Variants in FANCL observed in about 807,000 individuals in gnomAD.
The protein encoded by FANCL is E3 ubiquitin-protein ligase FANCL.
In FANCL, 69 loss-of-function variants were observed where a neutral mutation model predicts 59.4. That is an observed-to-expected ratio of 1.16 (90% confidence interval 0.96 to 1.42). The LOEUF (loss-of-function observed/expected upper bound fraction) is 1.42. Ranked by LOEUF, FANCL falls within the 40% of genes most tolerant of loss-of-function variation. The pLI is 0.00. For synonymous variants in FANCL, 180 were observed against 147.1 expected (o/e 1.22, Z -1.62); for missense variants, 519 against 447.2 (o/e 1.16, Z -1.45).
At chr2:58,179,990 A>T (rs748805033) in intron 7 of FANCL, among the ~76,000 whole-genome samples, 1 of 152,252 alleles carries the variant, frequency 6.6e-6, no homozygotes, top group Non-Finnish European at 1.5e-5. Context: ...ATCACTGGTC[A>T]TTAGAAAAAT....
chr2:58,209,939 A>G (rs1027904283), intron 5 of FANCL, among the ~76,000 whole-genome samples: 2 of 152,146 alleles, frequency 1.3e-5, no homozygotes, highest in African/African-American at 4.8e-5. Flanking sequence ...ATATGTTGAC[A>G]ATCTCCCAGT....
At position 58,177,656 on chromosome 2, in the gene FANCL, A is replaced by G. The variant is rs542791630; in HGVS notation, c.541-11782T>C. Among the ~76,000 whole-genome samples, 480 of 149,160 alleles carry G rather than the reference A, an allele frequency of 3.2e-3. 8 individuals are homozygous for G. The highest frequency in any genetic ancestry group is 0.011 in the African/African-American group (454 of 40,322). On this transcript the variant is annotated intron_variant, in intron 7 of 13. Transcript: ENST00000233741. ...TGGGGTGGGGGGAGGGGGGAGGGAT[A>G]GCTTTAGGAGATATACTTAATGCTA...
chr2:58,167,447 TCCGTAATTA>T (rs2104831120), intron 7 of FANCL, among the ~76,000 whole-genome samples: 1 of 152,304 alleles, frequency 6.6e-6, no homozygotes, highest in East Asian at 1.9e-4. Context: ...GTATTTAAAA[TCCGTAATTA>T]CCTATTCCTT....
At chr2:58,233,007 T>C (rs762520467) in intron 1 of FANCL, among the ~76,000 whole-genome samples, 3 of 152,068 alleles carry the variant, frequency 2.0e-5, no homozygotes, top group African/African-American at 7.2e-5. Context: ...AAATGTACCC[T>C]ATAACCTTTA....
At chr2:58,227,285 T>C (rs370780049) in intron 3 of FANCL, among the ~76,000 whole-genome samples, 6 of 152,334 alleles carry the variant, frequency 3.9e-5, no homozygotes, top group South Asian at 4.1e-4. Flanking sequence ...AGGCAGCTTG[T>C]GTTAGTCAGC....
At chr2:58,204,306 G>A (rs1690358834) in intron 5 of FANCL, 80 bp from the exon 6 acceptor site, 1 of 1,046,146 alleles carries the variant, frequency 9.6e-7, no homozygotes, top group African/African-American at 1.6e-5. Flanking sequence ...AATTTGAAAT[G>A]AAAATATTTG....
chr2:58,164,114 C>T (rs1380139176), intron 8 of FANCL, among the ~76,000 whole-genome samples: 2 of 152,000 alleles, frequency 1.3e-5, no homozygotes, highest in African/African-American at 2.4e-5. Flanking sequence ...AACCTAATTT[C>T]GCAAGACCTA....
At chr2:58,179,697 A>C (rs1687728048) in intron 7 of FANCL, among the ~76,000 whole-genome samples, 1 of 152,226 alleles carries the variant, frequency 6.6e-6, no homozygotes, top group Non-Finnish European at 1.5e-5. Flanking sequence ...TGACTAAAAC[A>C]CCAAAAGCAA....
intron 7 of FANCL, among the ~76,000 whole-genome samples, chr2:58,191,647 T>TTG (rs1430023181): frequency 6.6e-6 from 1 of 151,924 alleles, no homozygotes; most frequent in Admixed American, 6.6e-5. Context: ...TTTAAAGTCT[T>TTG]TAACATATAC....
At chr2:58,220,673 C>T (rs6721991) in intron 5 of FANCL, among the ~76,000 whole-genome samples, 4,059 of 152,162 alleles carry the variant, frequency 0.027, 176 homozygotes, top group African/African-American at 0.093. Context: ...TCCTTGTTCT[C>T]TTTTAAATGG....
intron 3 of FANCL, among the ~76,000 whole-genome samples, chr2:58,228,064 T>C (rs62141871): frequency 0.049 from 5,651 of 114,520 alleles, 127 homozygotes; most frequent in East Asian, 0.11. Flanking sequence ...TAATTAACAA[T>C]ATGGTCATTT....
intron 5 of FANCL, among the ~76,000 whole-genome samples, chr2:58,206,453 G>A (rs1188452568): frequency 6.6e-6 from 1 of 152,064 alleles, no homozygotes; most frequent in Non-Finnish European, 1.5e-5. Context: ...TCATAACCAT[G>A]ATGAATATAA....
intron 1 of FANCL, among the ~76,000 whole-genome samples, chr2:58,240,773 G>A (rs368843119): frequency 2.0e-5 from 3 of 152,210 alleles, no homozygotes; most frequent in South Asian, 2.1e-4. Flanking sequence ...CCAAAATAAG[G>A]TTTTCTTCCC....
chr2:58,231,498 C>A (rs2103910372), intron 2 of FANCL, among the ~76,000 whole-genome samples: 1 of 152,290 alleles, frequency 6.6e-6, no homozygotes, highest in East Asian at 1.9e-4. Context: ...TTCTGTTGGT[C>A]ACAAAATCCT....
At position 58,159,420 on chromosome 2, in the gene FANCL, A is replaced by G; in HGVS notation, c.*345T>C. 1 of 1,613,682 alleles carries G rather than the reference A, an allele frequency of 6.2e-7. No individual in the cohort carries two copies. On this transcript the variant is annotated 3_prime_UTR_variant, in exon 14 of 14. Coordinates refer to ENST00000233741, the MANE Select transcript of FANCL (RefSeq NM_018062.4). The stretch of plus-strand genomic sequence containing the variant: ...TGAATGAAGTAAACAGTTTCCCACA[A>G]AAAATCAGCTATACACAATTCCCAA...
intron 5 of FANCL, among the ~76,000 whole-genome samples, chr2:58,215,981 G>A (rs58276647): frequency 0.02 from 2,989 of 152,156 alleles, 113 homozygotes; most frequent in African/African-American, 0.069. Context: ...AAGTCTCAGT[G>A]AATACCCCAG....
chr2:58,228,480 C>T (rs138161127), intron 3 of FANCL, among the ~76,000 whole-genome samples: 2 of 152,162 alleles, frequency 1.3e-5, no homozygotes, highest in African/African-American at 4.8e-5. Flanking sequence ...AGTCCAGAGG[C>T]CAAATCCAGC....
intron 7 of FANCL, among the ~76,000 whole-genome samples, chr2:58,170,245 G>T (rs900513473): frequency 6.6e-6 from 1 of 152,138 alleles, no homozygotes; most frequent in Non-Finnish European, 1.5e-5. Flanking sequence ...TATTCTTAAA[G>T]AAAAGAATTT....
At chr2:58,189,142 T>A (rs1688685916) in intron 7 of FANCL, among the ~76,000 whole-genome samples, 1 of 152,010 alleles carries the variant, frequency 6.6e-6, no homozygotes, top group Non-Finnish European at 1.5e-5. Context: ...AGGAAGGAGG[T>A]GACTGGGATG....
Sources: gnomAD v4.1 joint callset for allele counts (sites outside exome capture counted in the v4.1 genomes callset) on GRCh38, gnomAD v4.1.1 for gene constraint, MANE v1.5 for transcripts, NCBI Gene and HGNC (gene_info 2026-07-23, HGNC 2026-07-21) for gene names.